VWA5A: variants seen among roughly 807,000 people sequenced by gnomAD.
VWA5A encodes the protein von Willebrand factor A domain containing 5A, also known as von Willebrand factor A domain-containing protein 5A.
In VWA5A, 77 loss-of-function variants were observed where a neutral mutation model predicts 84.6. That is an observed-to-expected ratio of 0.91 (90% CI 0.76 to 1.10). VWA5A has a LOEUF of 1.10. Among genes scored for constraint, VWA5A ranks in the 50% least tolerant of loss-of-function variants. The probability of loss-of-function intolerance (pLI) is 0.00; values close to 1 mark genes in which losing one functional copy is unlikely to be tolerated. For missense variants in VWA5A, 973 were observed against 963.0 expected (o/e 1.01, Z -0.14); for synonymous variants, 334 against 350.1 (o/e 0.95, Z 0.51).
intron 12 of VWA5A, among the ~76,000 whole-genome samples, chr11:124,135,588 T>TG (rs1334940705): frequency 7.6e-6 from 1 of 130,776 alleles, no homozygotes; most frequent in African/African-American, 3.0e-5. Flanking sequence ...TGGAGTGCAG[T>TG]GGCGGGATCT....
intron 2 of VWA5A, chr11:124,117,282 C>A (rs1451540272): frequency 5.0e-6 from 3 of 594,224 alleles, no homozygotes; most frequent in Non-Finnish European, 9.0e-6. Context: ...TTAGTAGATA[C>A]CAGTGAATCT....
chr11:124,137,803 A>G (rs1332867210), intron 15 of VWA5A, among the ~76,000 whole-genome samples: 1 of 152,080 alleles, frequency 6.6e-6, no homozygotes, highest in African/African-American at 2.4e-5. Context: ...TCACTTACCT[A>G]CTTTCTATCT....
At position 124,116,585 on chromosome 11, in the gene VWA5A, G is replaced by A. The variant is rs544948897; in HGVS notation, c.-111G>A. On this transcript the variant is annotated 5_prime_UTR_variant, in exon 2 of 19. Coordinates refer to ENST00000456829, the MANE Select transcript of VWA5A (RefSeq NM_001130142.2). The stretch of plus-strand genomic sequence containing the variant: ...CCCCAGCCCAGCCTGTTCTACCAGA[G>A]AACTTGCCCAGGTCAGAGGTCTGCG... 9.2e-5 allele frequency: 14 copies of A among 152,480 alleles called. No homozygotes were observed. Among genetic ancestry groups the A allele is most frequent in the African/African-American group, 2.9e-4 (12 of 41,560 alleles). 9.4% of individuals were successfully genotyped at this position (152,480 alleles called of 1,614,324 possible). A position where few individuals can be genotyped will look rare whatever the true frequency, so the allele number is the denominator to read the frequency against.
chr11:124,136,691 C>CCTTCCTTCCTT lies in VWA5A; in HGVS notation c.1625+18_1625+19insTTCCTTCCTTC. The CCTTCCTTCCTT allele has an allele frequency of 2.7e-6, 3 of 1,094,828 alleles. No homozygotes were observed. The highest frequency in any genetic ancestry group is 1.3e-6 in the Non-Finnish European group (1 of 792,148). 67.8% of individuals were successfully genotyped at this position (1,094,828 alleles called of 1,614,324 possible). ...TGATGTCAAGTGAGAATTCAGTTTT[C>CCTTCCTTCCTT]CCTTCCTTCCTTCCTTCCTTCCTTC... On this transcript the variant is annotated intron_variant, in intron 14 of 18. Coordinates refer to ENST00000456829, the MANE Select transcript of VWA5A (RefSeq NM_001130142.2).
chr11:124,123,553 G>C (rs548746633), intron 9 of VWA5A, 99 bp downstream of exon 9: 19 of 1,607,162 alleles, frequency 1.2e-5, no homozygotes, highest in Non-Finnish European at 1.6e-5. Flanking sequence ...TTGGCATTGG[G>C]GGTTTCGGAT....
Position 124,146,915 on chromosome 11 carries a change from C to T in VWA5A, c.*970C>T, listed in dbSNP as rs1185584525. 3.0e-5 allele frequency: 5 copies of T among 165,898 alleles called. No homozygotes were observed. Among genetic ancestry groups the T allele is most frequent in the Non-Finnish European group, 7.3e-5 (5 of 68,114 alleles). The allele number at this position is 165,898 out of a possible 1,614,324, so 10.3% of individuals were successfully genotyped here. On this transcript the variant is annotated 3_prime_UTR_variant, in exon 19 of 19. Transcript: ENST00000456829. ...ATTTCTACCCTTTGATGAGTAAATG[C>T]AGTGGTTCTTAAAGTGGTCTCGTCT...
At position 124,137,009 on chromosome 11, in the gene VWA5A, T is replaced by C; in HGVS notation, c.1626-6T>C. 6.2e-7 allele frequency: 1 copy of C among 1,610,166 alleles called. No individual in the cohort carries two copies. Among genetic ancestry groups the C allele is most frequent in the African/African-American group, 1.3e-5 (1 of 74,530 alleles). On this transcript the variant is annotated splice_polypyrimidine_tract_variant and splice_region_variant and intron_variant, in intron 14 of 18. Coordinates refer to ENST00000456829, the MANE Select transcript of VWA5A (RefSeq NM_001130142.2). ...CATTTCAGTACTTTTTTTTTTTTCC[T>C]TTCAGCCTCACCATTCACCGCCTTG...
chr11:124,142,604 T>C (rs1291155528), intron 17 of VWA5A, 32 bp downstream of exon 17: 4 of 1,612,194 alleles, frequency 2.5e-6, no homozygotes, highest in Non-Finnish European at 3.4e-6. Context: ...AGTATGTATG[T>C]TTTTGAGAGA....
chr11:124,132,514 ATT>A (rs1565619072), intron 11 of VWA5A, among the ~76,000 whole-genome samples: 1 of 151,990 alleles, frequency 6.6e-6, no homozygotes, highest in Non-Finnish European at 1.5e-5. Context: ...AAGTTTGTAT[ATT>A]TTATTGAAGT....
intron 13 of VWA5A, 69 bp from the exon 14 acceptor site, chr11:124,136,505 G>A (rs1860587917): frequency 1.9e-6 from 3 of 1,543,064 alleles, no homozygotes; most frequent in Non-Finnish European, 2.7e-6. Flanking sequence ...ACCTGCCCCT[G>A]TTCTGATCCT....
At position 124,145,332 on chromosome 11, in the gene VWA5A, G is replaced by A; in HGVS notation, c.2250G>A (p.Arg750=). ...DLKCEWELLE[R]KAVAWMRAHA... is the part of the protein sequence containing the mutation. ...AGTGTGAATGGGAGCTTCTGGAAAG[G>A]AAGGCCGTGGCCTGGATGCGTGCCC... The change falls in exon 18 of 19, where the codon AGG becomes AGA. Residue 750 remains arginine (R), a synonymous_variant. Coordinates refer to ENST00000456829, the MANE Select transcript of VWA5A (RefSeq NM_001130142.2). 2 of 1,613,890 alleles carry A rather than the reference G, an allele frequency of 1.2e-6. No homozygotes were observed. Among genetic ancestry groups the A allele is most frequent in the Non-Finnish European group, 1.7e-6 (2 of 1,179,864 alleles).
chr11:124,125,972 A>T (rs1256408204), intron 11 of VWA5A, among the ~76,000 whole-genome samples: 2 of 152,208 alleles, frequency 1.3e-5, no homozygotes, highest in African/African-American at 4.8e-5. Context: ...AATTGACCCT[A>T]TTCCATTTAT....
Position 124,124,292 on chromosome 11 carries a change from T to C in VWA5A, c.1220T>C (p.Val407Ala), listed in dbSNP as rs750960845. 1.9e-6 allele frequency: 3 copies of C among 1,614,050 alleles called. No homozygotes were observed. The change falls in exon 11 of 19, where the codon GTT becomes GCT. Residue 407 changes from valine (V) to alanine (A), a missense_variant. By Grantham distance (64) the Val-to-Ala change is moderately conservative. Transcript: ENST00000456829. ...GACACGTTTAGTGTAATTAAAGAAG[T>C]TAGGATCAACAGACAGAAACACAGG... ...VTDTFSVIKE[V>A]RINRQKHRCF...
intron 15 of VWA5A, among the ~76,000 whole-genome samples, chr11:124,137,691 C>T (rs954153002): frequency 2.0e-5 from 3 of 152,148 alleles, no homozygotes. Context: ...GCATTTTCAT[C>T]ACCTAAGAAA....
chr11:124,141,140 A>T lies in VWA5A; in HGVS notation c.1880-458A>T, dbSNP rs530812184. On this transcript the variant is annotated intron_variant, in intron 15 of 18. Transcript: ENST00000456829. ...ATGAATGATCGGAAATAACAAAGAG[A>T]TTGGAAGTAGACAATAGTGACGACA... Among the ~76,000 whole-genome samples, 111 of 152,180 alleles carry T rather than the reference A, an allele frequency of 7.3e-4. 1 individual carries two copies. The highest frequency in any genetic ancestry group is 1.4e-3 in the Non-Finnish European group (93 of 68,050).
Position 124,118,343 on chromosome 11 carries a change from C to T in VWA5A, c.401C>T (p.Pro134Leu). Residue 134 changes from proline to leucine, a missense_variant, in exon 5 of 19, where the codon CCT (proline) becomes CTT (leucine). Pro to Leu is a moderately conservative substitution (Grantham distance 98, BLOSUM62 -3). Coordinates refer to ENST00000456829, the MANE Select transcript of VWA5A (RefSeq NM_001130142.2). ...ACCCTGAAGTATGTGCAGGAGCTGC[C>T]TCTGGAAGCAGATGGGGCTCTGCGC... ...AVTLKYVQEL[P>L]LEADGALRFV... The T allele has an allele frequency of 6.2e-7, 1 of 1,614,202 alleles. No individual in the cohort carries two copies. Among genetic ancestry groups the T allele is most frequent in the Non-Finnish European group, 8.5e-7 (1 of 1,180,044 alleles).
At chr11:124,127,173 C>A (rs1002150147) in intron 11 of VWA5A, among the ~76,000 whole-genome samples, 4 of 152,154 alleles carry the variant, frequency 2.6e-5, no homozygotes, top group African/African-American at 9.7e-5. Flanking sequence ...CCTAGCCCCC[C>A]ACCCCCTGAC....
chr11:124,123,856 A>G, intron 10 of VWA5A, 52 bp downstream of exon 10: 1 of 1,521,782 alleles, frequency 6.6e-7, no homozygotes, highest in Non-Finnish European at 8.8e-7. Context: ...GAAATCTCTA[A>G]GAATCTATGC....
chr11:124,133,862 CA>C (rs1865133275), intron 11 of VWA5A, among the ~76,000 whole-genome samples: 1 of 152,176 alleles, frequency 6.6e-6, no homozygotes, highest in Non-Finnish European at 1.5e-5. Flanking sequence ...TTATCATCCA[CA>C]TGCAGCACTG....
Sources: allele counts gnomAD v4.1 joint callset (sites outside exome capture counted in the v4.1 genomes callset), GRCh38; gene constraint gnomAD v4.1.1; transcripts MANE v1.5; gene names NCBI Gene and HGNC (gene_info 2026-07-23, HGNC 2026-07-21).